The following PARD3B variants were observed in gnomAD, a reference collection of about 807,000 sequenced individuals.
PARD3B encodes partitioning defective 3 homolog B.
In PARD3B, 103 loss-of-function variants were observed where a neutral mutation model predicts 130.2. That is an observed-to-expected ratio of 0.79 (90% CI 0.67 to 0.93). The LOEUF (loss-of-function observed/expected upper bound fraction) is 0.93. PARD3B is among the 40% of genes least tolerant of loss of function. The pLI is 0.00. For missense variants in PARD3B, 1,609 were observed against 1,499.2 expected, an observed-to-expected ratio of 1.07 and a Z score of -1.21; for synonymous variants, 583 against 553.2, an observed-to-expected ratio of 1.05 and a Z score of -0.76.
chr2:204,958,612 C>G (rs1690475130), intron 2 of PARD3B, among the ~76,000 whole-genome samples: 1 of 152,104 alleles, frequency 6.6e-6, no homozygotes, highest in South Asian at 2.1e-4. Context: ...ATAAACAAGT[C>G]AAGTGGGACT....
intron 11 of PARD3B, among the ~76,000 whole-genome samples, chr2:205,168,114 G>T (rs2034920127): frequency 6.6e-6 from 1 of 152,148 alleles, no homozygotes; most frequent in Non-Finnish European, 1.5e-5. Context: ...TCTTTACTCT[G>T]TCCTCCTGAT....
At chr2:205,238,070 A>G (rs142258580) in intron 15 of PARD3B, among the ~76,000 whole-genome samples, 1 of 152,206 alleles carries the variant, frequency 6.6e-6, no homozygotes, top group Non-Finnish European at 1.5e-5. Flanking sequence ...GACATGCCCA[A>G]ATTTGGTGTC....
Position 205,301,704 on chromosome 2 carries a change from A to C in PARD3B, c.2630+3A>C. On this transcript the variant is annotated splice_donor_region_variant and intron_variant, in intron 18 of 22. Coordinates refer to ENST00000406610, the MANE Select transcript of PARD3B (RefSeq NM_001302769.2). This position sits in a 1 kb window ranked among gnomAD's most constrained non-coding sequence, Gnocchi z 5.2. ...AAGGGCTTCGGCGCCATGCTGAGGT[A>C]TGGGCCTGCTTTGAAGGCAAAGTTG... 1 of 1,614,086 alleles carries C rather than the reference A, an allele frequency of 6.2e-7. No individual in the cohort carries two copies. The highest frequency in any genetic ancestry group is 8.5e-7 in the Non-Finnish European group (1 of 1,180,002).
chr2:204,654,788 A>G (rs2035590171), intron 1 of PARD3B, among the ~76,000 whole-genome samples: 1 of 152,168 alleles, frequency 6.6e-6, no homozygotes, highest in Non-Finnish European at 1.5e-5. Flanking sequence ...ATAGGAATAA[A>G]TTCTTTATTT....
intron 4 of PARD3B, among the ~76,000 whole-genome samples, chr2:205,076,793 C>A (rs1701092022): frequency 6.6e-6 from 1 of 152,172 alleles, no homozygotes; most frequent in South Asian, 2.1e-4. Context: ...CCACCCCCTT[C>A]CATGAAACTG....
intron 20 of PARD3B, among the ~76,000 whole-genome samples, chr2:205,456,999 T>G (rs2048299906): frequency 6.6e-6 from 1 of 151,618 alleles, no homozygotes; most frequent in Non-Finnish European, 1.5e-5. Context: ...ATTGCTGTCT[T>G]CATTGAATGT....
At chr2:205,001,242 G>A (rs1694806345) in intron 3 of PARD3B, among the ~76,000 whole-genome samples, 1 of 152,134 alleles carries the variant, frequency 6.6e-6, no homozygotes, top group Admixed American at 6.5e-5. Flanking sequence ...GCTCACCTCG[G>A]CCTCCCAAAA....
intron 2 of PARD3B, among the ~76,000 whole-genome samples, chr2:204,792,693 C>T (rs979232044): frequency 7.9e-5 from 12 of 151,986 alleles, no homozygotes; most frequent in African/African-American, 2.9e-4. Context: ...AATATTGTAC[C>T]TAAAATAAAA....
rs1487314673 is a variant in PARD3B at position 205,589,824 on chromosome 2, G to C, written c.3261-25632G>C. On this transcript the variant is annotated intron_variant, in intron 22 of 22. Transcript: ENST00000406610. This position sits in a 1 kb window ranked among gnomAD's most constrained non-coding sequence, Gnocchi z 4.1. ...TTTGTCAGGAACCAAAAATCTATCA[G>C]ACACCCTCCTACACTCCATGCCTCT... Among the ~76,000 whole-genome samples the C allele has an allele frequency of 6.6e-6, 1 of 152,038 alleles. No homozygotes were observed. The highest frequency in any genetic ancestry group is 6.5e-5 in the Admixed American group (1 of 15,270).
intron 2 of PARD3B, among the ~76,000 whole-genome samples, chr2:204,739,384 G>A (rs1269122794): frequency 6.6e-6 from 1 of 152,122 alleles, no homozygotes; most frequent in Non-Finnish European, 1.5e-5. Flanking sequence ...AAATGAGTAT[G>A]TTGGTTTTCT....
chr2:205,436,781 T>C (rs1399583784), intron 19 of PARD3B, among the ~76,000 whole-genome samples: 2 of 152,116 alleles, frequency 1.3e-5, no homozygotes, highest in Non-Finnish European at 2.9e-5. Flanking sequence ...GCCTACTTCT[T>C]AGTGAAGTCA....
At chr2:204,955,915 C>T (rs1174913536) in intron 2 of PARD3B, among the ~76,000 whole-genome samples, 1 of 152,108 alleles carries the variant, frequency 6.6e-6, no homozygotes, top group Non-Finnish European at 1.5e-5. Flanking sequence ...GGGCCTGGTG[C>T]AGATAATTAT....
intron 18 of PARD3B, among the ~76,000 whole-genome samples, chr2:205,355,158 T>C (rs2044145939): frequency 6.6e-6 from 1 of 152,208 alleles, no homozygotes; most frequent in Admixed American, 6.5e-5. Context: ...TACTTTGCTG[T>C]TGCTGTCGTG....
intron 10 of PARD3B, among the ~76,000 whole-genome samples, chr2:205,143,315 G>A (rs2033120793): frequency 6.6e-6 from 1 of 152,158 alleles, no homozygotes; most frequent in Admixed American, 6.5e-5. Context: ...GTATCAGCAA[G>A]TAAAAACGGG....
At chr2:205,442,824 G>A (rs11896375) in intron 20 of PARD3B, among the ~76,000 whole-genome samples, 15,310 of 152,100 alleles carry the variant, frequency 0.1, 1,102 homozygotes, top group African/African-American at 0.21. Flanking sequence ...CTTAACTGCA[G>A]CCACTATAAA....
chr2:204,815,157 G>A (rs1362256817), intron 2 of PARD3B, among the ~76,000 whole-genome samples: 1 of 151,742 alleles, frequency 6.6e-6, no homozygotes, highest in African/African-American at 2.4e-5. Context: ...TTTAGGCCTG[G>A]TGTTTGGGTT....
rs528728153 is a variant in PARD3B, at chr2:204,765,625, T to C, written c.222+79343T>C. Reference sequence around the variant, plus strand: ...AGCATATTTTGGTTTCTTTCATTCTTCTCTCCTATTGCTATGCAATAAAAA... The same window carrying C: ...AGCATATTTTGGTTTCTTTCATTCTCCTCTCCTATTGCTATGCAATAAAAA... On this transcript the variant is annotated intron_variant, in intron 2 of 22. Transcript: ENST00000406610. Among the ~76,000 whole-genome samples, 329 of 152,316 alleles carry C rather than the reference T, an allele frequency of 2.2e-3. 1 individual carries two copies. The highest frequency in any genetic ancestry group is 0.014 in the Middle Eastern group (4 of 294).
rs767822901 is a variant in PARD3B, at chr2:205,176,440, C to G, written c.1792-5C>G. 2 of 1,592,870 alleles carry G rather than the reference C, an allele frequency of 1.3e-6. No individual in the cohort carries two copies. The highest frequency in any genetic ancestry group is 2.2e-5 in the East Asian group (1 of 44,646). On this transcript the variant is annotated splice_polypyrimidine_tract_variant and splice_region_variant and intron_variant, in intron 12 of 22. Coordinates refer to ENST00000406610, the MANE Select transcript of PARD3B (RefSeq NM_001302769.2). This position sits in a 1 kb window ranked among gnomAD's most constrained non-coding sequence, Gnocchi z 5.3. ...GCAAATGTAATTTTTACTTTTATCT[C>G]TTAGGATCCTGCAGAGTGTGGGGCA...
intron 22 of PARD3B, among the ~76,000 whole-genome samples, chr2:205,610,756 T>C (rs1036662590): frequency 2.6e-4 from 39 of 152,310 alleles, no homozygotes; most frequent in African/African-American, 9.1e-4. Flanking sequence ...AACCCTTTAT[T>C]CAGCCCACCA....
Sources: allele counts gnomAD v4.1 joint callset (sites outside exome capture counted in the v4.1 genomes callset), GRCh38; gene constraint gnomAD v4.1.1; non-coding constraint Gnocchi (gnomAD v3.1); transcripts MANE v1.5; gene names NCBI Gene and HGNC (gene_info 2026-07-23, HGNC 2026-07-21).